Variants in SLIT3 observed in about 807,000 individuals in gnomAD.
The protein encoded by SLIT3 is slit guidance ligand 3.
In SLIT3, 68 loss-of-function variants were observed where a neutral mutation model predicts 184.0. The observed-to-expected ratio is 0.37, with a 90% confidence interval of 0.30 to 0.45. The LOEUF (loss-of-function observed/expected upper bound fraction) is 0.45, where lower values mean the gene tolerates loss of function less well. Ranked by LOEUF, SLIT3 falls within the 20% of genes least tolerant of loss-of-function variation. The pLI, the probability that SLIT3 is intolerant of heterozygous loss-of-function variation, is 1.00. For synonymous variants in SLIT3, 831 were observed against 828.6 expected (o/e 1.00, Z -0.05); for missense variants, 1,707 against 2,026.0 (o/e 0.84, Z 3.02).
chr5:169,148,756 G>A (rs948174080), intron 4 of SLIT3, among the ~76,000 whole-genome samples: 1 of 152,158 alleles, frequency 6.6e-6, no homozygotes, highest in Non-Finnish European at 1.5e-5. Flanking sequence ...TGTAATAAAT[G>A]TTTAACAAGG....
intron 24 of SLIT3, 81 bp downstream of exon 24, chr5:168,712,202 G>T: frequency 8.2e-7 from 1 of 1,217,288 alleles, no homozygotes; most frequent in Non-Finnish European, 1.2e-6. Context: ...CTGCCAAAAT[G>T]CTGACAGTGA....
chr5:169,002,470 T>G (rs1755749383), intron 4 of SLIT3, among the ~76,000 whole-genome samples: 1 of 145,976 alleles, frequency 6.9e-6, no homozygotes, highest in Non-Finnish European at 1.5e-5. Flanking sequence ...AACTAGGAAA[T>G]AGTGGAGATG....
At chr5:168,685,487 G>A (rs569544833) in intron 31 of SLIT3, among the ~76,000 whole-genome samples, 200 bp downstream of exon 31, 2 of 152,340 alleles carry the variant, frequency 1.3e-5, no homozygotes, top group East Asian at 3.9e-4. Context: ...GGCTGGAAGT[G>A]GGGGCTGCAG....
At chr5:168,779,288 G>A (rs754783122) in intron 12 of SLIT3, among the ~76,000 whole-genome samples, 1 of 152,190 alleles carries the variant, frequency 6.6e-6, no homozygotes. Context: ...AAGAGCCTAA[G>A]GGAGCCACCT....
At chr5:168,703,881 G>T (rs1431292815) in intron 26 of SLIT3, among the ~76,000 whole-genome samples, 1 of 143,450 alleles carries the variant, frequency 7.0e-6, no homozygotes, top group Non-Finnish European at 1.5e-5. Flanking sequence ...GGAAGCAGAG[G>T]TTGCAGTGAG....
intron 10 of SLIT3, 128 bp downstream of exon 10, chr5:168,795,379 G>C: frequency 1.4e-6 from 1 of 733,918 alleles, no homozygotes; most frequent in Non-Finnish European, 2.5e-6. Context: ...CAGCGTTCCA[G>C]GTCTGAAACA....
At position 168,773,528 on chromosome 5, in the gene SLIT3, C is replaced by G. The variant is rs912609327; in HGVS notation, c.1296-584G>C. 3.3e-5 allele frequency among the ~76,000 whole-genome samples: 5 copies of G among 152,064 alleles called. No homozygotes were observed. In the South Asian group the frequency reaches 8.3e-4, roughly 25 times the overall value. On this transcript the variant is annotated intron_variant, in intron 13 of 35. Transcript: ENST00000519560. Reference sequence around the variant, plus strand: ...CAGCTGCTCCTACTGTGTCTTGGTTCCTGTCTCTGGCTACAGAGGCAACAA... The same window carrying G: ...CAGCTGCTCCTACTGTGTCTTGGTTGCTGTCTCTGGCTACAGAGGCAACAA...
chr5:169,262,633 G>T (rs1024739652), intron 1 of SLIT3, among the ~76,000 whole-genome samples: 1 of 152,092 alleles, frequency 6.6e-6, no homozygotes, highest in African/African-American at 2.4e-5. Context: ...TCATTCCCCT[G>T]CCATCAATCC....
chr5:169,007,041 G>A (rs1164965336), intron 4 of SLIT3, among the ~76,000 whole-genome samples: 1 of 152,142 alleles, frequency 6.6e-6, no homozygotes, highest in African/African-American at 2.4e-5. Flanking sequence ...CTGGTGGGAG[G>A]TGACTGGATC....
intron 4 of SLIT3, among the ~76,000 whole-genome samples, chr5:168,945,856 G>A (rs1486821244): frequency 6.6e-6 from 1 of 152,164 alleles, no homozygotes; most frequent in Non-Finnish European, 1.5e-5. Flanking sequence ...CTAGGCCTGG[G>A]CCAAATATCT....
intron 4 of SLIT3, among the ~76,000 whole-genome samples, chr5:168,933,527 C>T (rs1005731466): frequency 2.0e-5 from 3 of 150,792 alleles, no homozygotes; most frequent in Non-Finnish European, 4.4e-5. Context: ...GGTGACAGAA[C>T]AAGACTCCAT....
intron 20 of SLIT3, among the ~76,000 whole-genome samples, chr5:168,732,510 C>T (rs1763316675): frequency 6.6e-6 from 1 of 151,936 alleles, no homozygotes; most frequent in African/African-American, 2.4e-5. Flanking sequence ...CCCAAATAGC[C>T]ACAGCAATCC....
chr5:169,185,261 AT>A (rs1201464593), intron 4 of SLIT3, among the ~76,000 whole-genome samples: 2 of 152,300 alleles, frequency 1.3e-5, no homozygotes, highest in East Asian at 3.9e-4. Flanking sequence ...AAGGAGAAAA[AT>A]CAGGAAATCG....
At chr5:168,785,835 TG>T (rs1756133515) in intron 12 of SLIT3, 71 bp downstream of exon 12, 1 of 1,106,480 alleles carries the variant, frequency 9.0e-7, no homozygotes, top group Non-Finnish European at 1.4e-6. Context: ...CTCCAGAGCA[TG>T]GCTCAACGTT....
intron 4 of SLIT3, among the ~76,000 whole-genome samples, chr5:168,926,977 C>T (rs1214728532): frequency 6.6e-6 from 1 of 152,134 alleles, no homozygotes; most frequent in Non-Finnish European, 1.5e-5. Flanking sequence ...TTCTTCAAAA[C>T]ATTAAAAAAC....
intron 16 of SLIT3, 129 bp from the exon 17 acceptor site, chr5:168,754,136 A>G: frequency 1.1e-6 from 1 of 909,994 alleles, no homozygotes; most frequent in Non-Finnish European, 1.6e-6. Flanking sequence ...GGATGGTGGA[A>G]GGAGCTCAGT....
chr5:169,073,625 C>T (rs1758630622), intron 4 of SLIT3, among the ~76,000 whole-genome samples: 1 of 152,062 alleles, frequency 6.6e-6, no homozygotes, highest in Non-Finnish European at 1.5e-5. Flanking sequence ...GTTGATCCCT[C>T]ATGAATGTCT....
chr5:168,870,127 C>A (rs1759458846), intron 5 of SLIT3, among the ~76,000 whole-genome samples: 1 of 152,226 alleles, frequency 6.6e-6, no homozygotes, highest in African/African-American at 2.4e-5. Flanking sequence ...CGGCAGAGAT[C>A]TCAGGCTCTG....
chr5:168,835,923 T>C (rs1002310938), intron 6 of SLIT3, among the ~76,000 whole-genome samples: 2 of 152,212 alleles, frequency 1.3e-5, no homozygotes, highest in African/African-American at 4.8e-5. Context: ...TGCCTTGGCA[T>C]TGGGATTACA....
Sources: gnomAD v4.1 joint callset for allele counts (sites outside exome capture counted in the v4.1 genomes callset) on GRCh38, gnomAD v4.1.1 for gene constraint, MANE v1.5 for transcripts, NCBI Gene and HGNC (gene_info 2026-07-23, HGNC 2026-07-21) for gene names.